Variants in KCTD16 observed in about 807,000 individuals in gnomAD.
KCTD16 encodes potassium channel tetramerization domain containing 16, also known as BTB/POZ domain-containing protein KCTD16.
A neutral mutation model predicts 33.2 loss-of-function variants in KCTD16; 13 were observed. That is an observed-to-expected ratio of 0.39 (90% CI 0.25 to 0.62). KCTD16 has a LOEUF of 0.62. KCTD16 is among the 20% of genes least tolerant of loss of function. The pLI is 0.50. For missense variants in KCTD16, 441 were observed against 525.1 expected (o/e 0.84, Z 1.57); for synonymous variants, 197 against 195.3 (o/e 1.01, Z -0.07).
chr5:144,355,716 C>T (rs948312732), intron 3 of KCTD16, among the ~76,000 whole-genome samples: 1 of 152,148 alleles, frequency 6.6e-6, no homozygotes, highest in African/African-American at 2.4e-5. Context: ...CATCGCCAAT[C>T]TCCACTCTGC....
intron 2 of KCTD16, among the ~76,000 whole-genome samples, chr5:144,177,991 A>T (rs992695861): frequency 6.6e-6 from 1 of 152,224 alleles, no homozygotes; most frequent in African/African-American, 2.4e-5. Flanking sequence ...AACCTTTTGA[A>T]TCAAATCTGT....
intron 2 of KCTD16, among the ~76,000 whole-genome samples, chr5:144,198,599 C>A (rs190854032): frequency 6.6e-6 from 1 of 152,162 alleles, no homozygotes; most frequent in Non-Finnish European, 1.5e-5. Flanking sequence ...TTGTGAAAAA[C>A]GCCTTCTACA....
intron 2 of KCTD16, among the ~76,000 whole-genome samples, chr5:144,182,434 A>G (rs1752645428): frequency 6.6e-6 from 1 of 152,230 alleles, no homozygotes; most frequent in South Asian, 2.1e-4. Flanking sequence ...AGCCCTTTAA[A>G]TATACAAAAG....
intron 3 of KCTD16, among the ~76,000 whole-genome samples, chr5:144,367,775 A>C (rs918869675): frequency 6.7e-6 from 1 of 148,560 alleles, no homozygotes; most frequent in African/African-American, 2.5e-5. Flanking sequence ...GGGATGCTGA[A>C]GTTTGGGGTT....
At chr5:144,465,865 G>A (rs1039022523) in intron 3 of KCTD16, among the ~76,000 whole-genome samples, 2 of 146,010 alleles carry the variant, frequency 1.4e-5, no homozygotes, top group Admixed American at 7.3e-5. Context: ...GTTGTAGACC[G>A]GTTGCTCTTG....
intron 3 of KCTD16, among the ~76,000 whole-genome samples, chr5:144,289,983 A>G (rs1034710688): frequency 1.3e-5 from 2 of 152,200 alleles, no homozygotes; most frequent in African/African-American, 4.8e-5. Context: ...TATTAAGTGC[A>G]TAAGACCAAA....
chr5:144,340,997 A>G (rs1053154917), intron 3 of KCTD16, among the ~76,000 whole-genome samples: 1 of 152,126 alleles, frequency 6.6e-6, no homozygotes, highest in Non-Finnish European at 1.5e-5. Context: ...GTGAGCCGAG[A>G]TTGTGGCATT....
intron 3 of KCTD16, among the ~76,000 whole-genome samples, chr5:144,452,712 G>A (rs1020594588): frequency 6.6e-6 from 1 of 151,118 alleles, no homozygotes; most frequent in Non-Finnish European, 1.5e-5. Flanking sequence ...GCCAAATCTG[G>A]ACCAAAATAA....
chr5:144,368,568 C>T (rs1751891263), intron 3 of KCTD16, among the ~76,000 whole-genome samples: 1 of 152,076 alleles, frequency 6.6e-6, no homozygotes, highest in Non-Finnish European at 1.5e-5. Flanking sequence ...AAGTTGTCTC[C>T]CAAAACCTTT....
intron 3 of KCTD16, among the ~76,000 whole-genome samples, chr5:144,216,229 A>C (rs1435536630): frequency 6.6e-6 from 1 of 152,192 alleles, no homozygotes; most frequent in East Asian, 1.9e-4. Flanking sequence ...GGATCATTGA[A>C]ATTGCTCCAG....
At chr5:144,271,920 A>G (rs550417695) in intron 3 of KCTD16, among the ~76,000 whole-genome samples, 1 of 152,142 alleles carries the variant, frequency 6.6e-6, no homozygotes, top group Non-Finnish European at 1.5e-5. Flanking sequence ...TTATAATAGC[A>G]TCAGAAAGAA....
intron 3 of KCTD16, among the ~76,000 whole-genome samples, chr5:144,299,119 T>TC (rs1756154781): frequency 3.0e-4 from 6 of 19,726 alleles, no homozygotes; most frequent in African/African-American, 4.4e-4. Context: ...TATATATATA[T>TC]ATATATATAT....
At chr5:144,380,295 A>G (rs1488393004) in intron 3 of KCTD16, among the ~76,000 whole-genome samples, 1 of 152,166 alleles carries the variant, frequency 6.6e-6, no homozygotes, top group Non-Finnish European at 1.5e-5. Context: ...GAGGTAAATG[A>G]TATTTACAAT....
intron 3 of KCTD16, among the ~76,000 whole-genome samples, chr5:144,396,845 T>A (rs1752577544): frequency 6.6e-6 from 1 of 151,634 alleles, no homozygotes; most frequent in Admixed American, 6.6e-5. Flanking sequence ...ACTTGTGGCA[T>A]CTTCCAGTCA....
intron 3 of KCTD16, among the ~76,000 whole-genome samples, chr5:144,258,314 T>C (rs1754907787): frequency 6.6e-6 from 1 of 151,802 alleles, no homozygotes; most frequent in South Asian, 2.1e-4. Flanking sequence ...ATATTTAGAA[T>C]AGTATAGTAA....
intron 3 of KCTD16, among the ~76,000 whole-genome samples, chr5:144,330,996 C>G (rs1752345282): frequency 6.6e-6 from 1 of 152,172 alleles, no homozygotes; most frequent in Non-Finnish European, 1.5e-5. Flanking sequence ...TTAGAGAGGA[C>G]TGGACTTAGT....
Position 144,474,567 on chromosome 5 carries a change from G to A in KCTD16, c.*453G>A, listed in dbSNP as rs1178417197. ...TTTTTCCTTTTGTTTATGGGGTTGGGGGGAATGGCAGATTTATATGACTTT... is the reference window on the plus strand; with the variant it reads ...TTTTTCCTTTTGTTTATGGGGTTGGAGGGAATGGCAGATTTATATGACTTT... On this transcript the variant is annotated 3_prime_UTR_variant, in exon 4 of 4. Coordinates refer to ENST00000512467, the MANE Select transcript of KCTD16 (RefSeq NM_020768.4). 3.7e-5 allele frequency: 6 copies of A among 163,598 alleles called. No individual in the cohort carries two copies. Among genetic ancestry groups the A allele is most frequent in the Non-Finnish European group, 6.7e-5 (5 of 74,782 alleles). 10.1% of individuals were successfully genotyped at this position (163,598 alleles called of 1,614,324 possible).
chr5:144,471,202 AC>A (rs1257853325), intron 3 of KCTD16, among the ~76,000 whole-genome samples: 1 of 152,124 alleles, frequency 6.6e-6, no homozygotes, highest in African/African-American at 2.4e-5. Flanking sequence ...ACAAACAACA[AC>A]AAAAAACCCC....
chr5:144,378,687 A>T (rs1177201651), intron 3 of KCTD16, among the ~76,000 whole-genome samples: 1 of 152,190 alleles, frequency 6.6e-6, no homozygotes, highest in Non-Finnish European at 1.5e-5. Context: ...ATCATCTCAC[A>T]TGTGTCATCA....
Sources: allele counts gnomAD v4.1 joint callset (sites outside exome capture counted in the v4.1 genomes callset), GRCh38; gene constraint gnomAD v4.1.1; transcripts MANE v1.5; gene names NCBI Gene and HGNC (gene_info 2026-07-23, HGNC 2026-07-21).